The following DTD1 variants were observed in gnomAD, a reference collection of about 807,000 sequenced individuals.
DTD1 encodes the protein D-aminoacyl-tRNA deacylase 1, also known as D-tyrosyl-tRNA deacylase 1 homolog.
In DTD1, 13 loss-of-function variants were observed where a neutral mutation model predicts 25.6. The observed-to-expected ratio is 0.51, with a 90% CI of 0.33 to 0.81. DTD1 has a LOEUF of 0.81. Ranked by LOEUF, DTD1 falls within the 30% of genes least tolerant of loss-of-function variation. The pLI is 0.02. For synonymous variants in DTD1, 110 were observed against 103.6 expected, an observed-to-expected ratio of 1.06 and a Z score of -0.37; for missense variants, 193 against 266.4, an observed-to-expected ratio of 0.72 and a Z score of 1.92.
intron 4 of DTD1, among the ~76,000 whole-genome samples, chr20:18,741,032 A>G (rs896650609): frequency 2.0e-5 from 3 of 152,210 alleles, no homozygotes; most frequent in Non-Finnish European, 2.9e-5. Flanking sequence ...GCTTTTTGTC[A>G]TCTTTGCTCC....
chr20:18,596,227 C>G lies in DTD1; in HGVS notation c.356C>G (p.Pro119Arg). ...GAGCAGCTGCGTAAAACATACAGGCCGGAGCTTATCAAAGGTAAGCAGGAG... is the reference window on the plus strand; with the variant it reads ...GAGCAGCTGCGTAAAACATACAGGCGGGAGCTTATCAAAGGTAAGCAGGAG... ...FLEQLRKTYR[P>R]ELIKDGKFGA... The change falls in exon 3 of 6, where the codon CCG becomes CGG. Residue 119 changes from proline to arginine, a missense_variant. Physicochemically the swap from Pro to Arg is moderately radical, Grantham distance 103. Coordinates refer to ENST00000377452, the MANE Select transcript of DTD1 (RefSeq NM_080820.6). 1 of 1,613,764 alleles carries G rather than the reference C, an allele frequency of 6.2e-7. No homozygotes were observed. The highest frequency in any genetic ancestry group is 1.7e-4 in the Middle Eastern group (1 of 6,040).
intron 4 of DTD1, among the ~76,000 whole-genome samples, chr20:18,714,963 G>T (rs981369161): frequency 6.6e-6 from 1 of 152,154 alleles, no homozygotes; most frequent in African/African-American, 2.4e-5. Context: ...GGGCTTTTAA[G>T]AAGTCTCTGG....
chr20:18,643,712 G>A (rs1450223448), intron 4 of DTD1: 1 of 152,168 alleles, frequency 6.6e-6, no homozygotes, highest in Non-Finnish European at 1.5e-5. Flanking sequence ...TGTCTTTAGC[G>A]TCCTTCATTC....
At chr20:18,759,304 G>C (rs537810191) in intron 5 of DTD1, among the ~76,000 whole-genome samples, 1 of 152,154 alleles carries the variant, frequency 6.6e-6, no homozygotes. Flanking sequence ...TATTTTGCTC[G>C]TTAGTTGATG....
At chr20:18,618,718 A>G (rs200123749) in intron 3 of DTD1, among the ~76,000 whole-genome samples, 1 of 94,980 alleles carries the variant, frequency 1.1e-5, no homozygotes, top group Non-Finnish European at 2.2e-5. Context: ...CACACATATA[A>G]TTTTTTTTTT....
intron 3 of DTD1, among the ~76,000 whole-genome samples, chr20:18,609,044 A>G (rs1427405945): frequency 6.6e-6 from 1 of 152,204 alleles, no homozygotes; most frequent in Non-Finnish European, 1.5e-5. Flanking sequence ...CTCCTTTGTT[A>G]ATGCATTTCA....
intron 4 of DTD1, among the ~76,000 whole-genome samples, chr20:18,678,308 G>A (rs993522148): frequency 3.3e-5 from 5 of 152,180 alleles, no homozygotes. Context: ...AAATAGAGCT[G>A]ATTTTATGAG....
chr20:18,595,001 A>AAGT (rs2060604444), intron 2 of DTD1, among the ~76,000 whole-genome samples: 1 of 152,214 alleles, frequency 6.6e-6, no homozygotes, highest in Non-Finnish European at 1.5e-5. Context: ...TCATCTACTT[A>AAGT]ACATCATCCA....
chr20:18,643,115 A>T, intron 4 of DTD1: 1 of 166,080 alleles, frequency 6.0e-6, no homozygotes, highest in South Asian at 1.4e-4. Flanking sequence ...GGGTTTCTCC[A>T]TGTTGGTCAG....
At chr20:18,645,074 C>T (rs957325803) in intron 4 of DTD1, among the ~76,000 whole-genome samples, 6 of 152,114 alleles carry the variant, frequency 3.9e-5, no homozygotes, top group African/African-American at 1.2e-4. Flanking sequence ...CACTTGAACC[C>T]AGGGGGTTGA....
At chr20:18,669,887 G>A (rs2060945592) in intron 4 of DTD1, among the ~76,000 whole-genome samples, 3 of 152,246 alleles carry the variant, frequency 2.0e-5, no homozygotes, top group Non-Finnish European at 4.4e-5. Context: ...GTTCCATTGG[G>A]GGTAAAGATC....
rs139695270 is a variant in DTD1 at position 18,683,479 on chromosome 20, T to C, written c.477+55246T>C. On this transcript the variant is annotated intron_variant, in intron 4 of 5. Transcript: ENST00000377452. ...CCAACAGCAAGCCAATAGTCATTTC[T>C]CGAGTGGCATATACCATACCACTAT... Among the ~76,000 whole-genome samples, 161 of 152,336 alleles carry C rather than the reference T, an allele frequency of 1.1e-3. 1 individual carries two copies. Among genetic ancestry groups the C allele is most frequent in the Non-Finnish European group, 2.0e-3 (136 of 68,032 alleles).
chr20:18,726,796 C>A lies in DTD1; in HGVS notation c.478-17304C>A, dbSNP rs117002083. On this transcript the variant is annotated intron_variant, in intron 4 of 5. Coordinates refer to ENST00000377452, the MANE Select transcript of DTD1 (RefSeq NM_080820.6). ...TCTTCCCCGTTATGGTAATTAATAC[C>A]ATGCATTGTACTTTTGCTCACAGTC... Among the ~76,000 whole-genome samples, 1,187 of 152,292 alleles carry A rather than the reference C, an allele frequency of 7.8e-3. 8 individuals are homozygous for A. The highest frequency in any genetic ancestry group is 0.012 in the Non-Finnish European group (849 of 68,022).
At chr20:18,761,840 C>T (rs2122544846) in intron 5 of DTD1, among the ~76,000 whole-genome samples, 2 of 152,304 alleles carry the variant, frequency 1.3e-5, no homozygotes, top group East Asian at 3.9e-4. Context: ...ACATCATCCA[C>T]ACAATGTAAG....
intron 4 of DTD1, among the ~76,000 whole-genome samples, chr20:18,652,484 CT>C (rs937731369): frequency 6.6e-6 from 1 of 152,146 alleles, no homozygotes; most frequent in African/African-American, 2.4e-5. Context: ...GCCCATCCAG[CT>C]TTTAGACCAA....
intron 4 of DTD1, among the ~76,000 whole-genome samples, chr20:18,683,715 G>A (rs1267202927): frequency 6.6e-6 from 1 of 152,206 alleles, no homozygotes; most frequent in African/African-American, 2.4e-5. Context: ...CCATTCAACT[G>A]TGACCTTCTT....
At chr20:18,722,846 C>T (rs1314269419) in intron 4 of DTD1, among the ~76,000 whole-genome samples, 1 of 152,086 alleles carries the variant, frequency 6.6e-6, no homozygotes, top group Admixed American at 6.6e-5. Flanking sequence ...TTGGAGCATG[C>T]CCCAAATTTA....
At chr20:18,623,160 C>T (rs1003756841) in intron 3 of DTD1, among the ~76,000 whole-genome samples, 9 of 151,812 alleles carry the variant, frequency 5.9e-5, no homozygotes, top group African/African-American at 9.7e-5. Context: ...AGGATGGTCT[C>T]GATCTCCCGA....
chr20:18,697,825 C>T (rs2061084963), intron 4 of DTD1, among the ~76,000 whole-genome samples: 2 of 152,242 alleles, frequency 1.3e-5, no homozygotes, highest in South Asian at 4.1e-4. Context: ...GCTGGGACTA[C>T]AGGCGCCTGT....
Sources: allele counts gnomAD v4.1 joint callset (sites outside exome capture counted in the v4.1 genomes callset), GRCh38; gene constraint gnomAD v4.1.1; transcripts MANE v1.5; gene names NCBI Gene and HGNC (gene_info 2026-07-23, HGNC 2026-07-21).